Variants in MYBBP1A observed in about 807,000 individuals in gnomAD.
The protein encoded by MYBBP1A is myb-binding protein 1A.
MYBBP1A carries 147 observed loss-of-function variants against 136.3 expected under a neutral mutation model. The observed-to-expected ratio is 1.08, with a 90% confidence interval of 0.94 to 1.24. The LOEUF (loss-of-function observed/expected upper bound fraction) is 1.24, where lower values mean the gene tolerates loss of function less well. Among genes scored for constraint, MYBBP1A ranks in the 50% most tolerant of loss-of-function variants. The probability of loss-of-function intolerance (pLI) is 0.00; values close to 1 mark genes in which losing one functional copy is unlikely to be tolerated. For synonymous variants in MYBBP1A, 947 were observed against 735.8 expected, an observed-to-expected ratio of 1.29 and a Z score of -4.65; for missense variants, 2,060 against 1,727.4, an observed-to-expected ratio of 1.19 and a Z score of -3.41.
At chr17:4,542,119 C>A (rs1423940724) in intron 22 of MYBBP1A, 2 of 589,178 alleles carry the variant, frequency 3.4e-6, no homozygotes, top group South Asian at 4.2e-5. Context: ...ACAATTCCTG[C>A]CCATTATTGG....
In MYBBP1A at chr17:4,548,538, G is replaced by C; in HGVS notation, c.1542C>G (p.Ser514Arg). Reference sequence around the variant, plus strand: ...CCAAGACTCACCTGAAGAAGGCACTGCTGACAGCCTCTCGGGCCTGGTTTT... The same window carrying C: ...CCAAGACTCACCTGAAGAAGGCACTCCTGACAGCCTCTCGGGCCTGGTTTT... ...PLENQAREAVSSAFFSLLQTL... is the reference protein window; with the variant it reads ...PLENQAREAVRSAFFSLLQTL... The change falls in exon 11 of 26, where the codon AGC becomes AGG. Residue 514 changes from serine (S) to arginine (R), a missense_variant. Physicochemically the swap from Ser to Arg is moderately radical, Grantham distance 110. Transcript: ENST00000254718. This position sits in a 1 kb window ranked among gnomAD's most constrained non-coding sequence, Gnocchi z 4.2. 1 of 1,614,166 alleles carries C rather than the reference G, an allele frequency of 6.2e-7. No homozygotes were observed. Among genetic ancestry groups the C allele is most frequent in the East Asian group, 2.2e-5 (1 of 44,884 alleles).
Position 4,544,835 on chromosome 17 carries a change from C to T in MYBBP1A, c.2397G>A (p.Glu799=), listed in dbSNP as rs1484058282. The change falls in exon 18 of 26, where the codon GAG becomes GAA. Residue 799 remains glutamate, a synonymous_variant. Transcript: ENST00000254718. ...LDQSLASLFA[E]QKLRIQARRD... Reference sequence around the variant, plus strand: ...GCCGGGCCTGGATACGCAGCTTCTGCTCGGCAAAGAGGCTGGCGAGGCTCT... The same window carrying T: ...GCCGGGCCTGGATACGCAGCTTCTGTTCGGCAAAGAGGCTGGCGAGGCTCT... 1 of 1,607,914 alleles carries T rather than the reference C, an allele frequency of 6.2e-7. No individual in the cohort carries two copies. The highest frequency in any genetic ancestry group is 1.7e-4 in the Middle Eastern group (1 of 6,050).
chr17:4,552,775 G>C lies in MYBBP1A; in HGVS notation c.562-149C>G, dbSNP rs1045447596. ...AACAAAACTCAAATTCCCAGGCAGCGGGGTTTTTGACAAGCATCCCACTGA... is the reference window on the plus strand; with the variant it reads ...AACAAAACTCAAATTCCCAGGCAGCCGGGTTTTTGACAAGCATCCCACTGA... On this transcript the variant is annotated intron_variant, in intron 5 of 25. Coordinates refer to ENST00000254718, the MANE Select transcript of MYBBP1A (RefSeq NM_014520.4). This position sits in a 1 kb window ranked among gnomAD's most constrained non-coding sequence, Gnocchi z 4.7. 4.1e-6 allele frequency: 3 copies of C among 736,918 alleles called. No homozygotes were observed. Among genetic ancestry groups the C allele is most frequent in the Admixed American group, 2.9e-5 (1 of 33,912 alleles). The allele number at this position is 736,918 out of a possible 1,614,324, so 45.6% of individuals were successfully genotyped here.
At chr17:4,547,355 G>T (rs1907098979) in intron 13 of MYBBP1A, among the ~76,000 whole-genome samples, 1 of 152,206 alleles carries the variant, frequency 6.6e-6, no homozygotes, top group Admixed American at 6.5e-5. Flanking sequence ...CTGACGTCAA[G>T]AATTGGAAGG....
chr17:4,551,674 G>A (rs770437982), intron 8 of MYBBP1A, among the ~76,000 whole-genome samples: 14 of 151,954 alleles, frequency 9.2e-5, no homozygotes, highest in Non-Finnish European at 1.3e-4. Flanking sequence ...TCACCACTGC[G>A]CTCCAGCCTG....
chr17:4,539,840 C>T lies in MYBBP1A; in HGVS notation c.3562G>A (p.Asp1188Asn). 1 of 1,609,674 alleles carries T rather than the reference C, an allele frequency of 6.2e-7. No homozygotes were observed. Among genetic ancestry groups the T allele is most frequent in the South Asian group, 1.1e-5 (1 of 91,072 alleles). The change falls in exon 26 of 26, where the codon GAT becomes AAT. Residue 1188 changes from aspartate to asparagine, a missense_variant. Physicochemically the swap from Asp to Asn is conservative, Grantham distance 23 (BLOSUM62 1). Transcript: ENST00000254718. ...TKKRKKRKSE[D>N]GTPAEDGTPA... ...GTGCCATCCTCCGCTGGCGTGCCAT[C>T]CTCTGACTTGCGTTTCTTGCGCTTC...
At position 4,544,488 on chromosome 17, in the gene MYBBP1A, C is replaced by A; in HGVS notation, c.2639+1G>T. The A allele has an allele frequency of 6.5e-7, 1 of 1,548,682 alleles. No homozygotes were observed. The highest frequency in any genetic ancestry group is 1.2e-5 in the South Asian group (1 of 84,094). On this transcript the variant is annotated splice_donor_variant, in intron 19 of 25. Coordinates refer to ENST00000254718, the MANE Select transcript of MYBBP1A (RefSeq NM_014520.4). LOFTEE classifies it high-confidence loss of function. ...TGCCCGCCCTGCACCCCCGTGCTCACGTGAAGATGCGCGCCGTCTTGTGCA... is the reference window on the plus strand; with the variant it reads ...TGCCCGCCCTGCACCCCCGTGCTCAAGTGAAGATGCGCGCCGTCTTGTGCA...
At chr17:4,543,896 C>T (rs998892654) in intron 19 of MYBBP1A, among the ~76,000 whole-genome samples, 11 of 151,840 alleles carry the variant, frequency 7.2e-5, no homozygotes, top group Admixed American at 3.9e-4. Flanking sequence ...CTTCCCCACG[C>T]CACTGCTCTT....
In MYBBP1A at chr17:4,552,341, C is replaced by T; in HGVS notation, c.738-49G>A. 1 of 1,610,140 alleles carries T rather than the reference C, an allele frequency of 6.2e-7. No homozygotes were observed. The highest frequency in any genetic ancestry group is 8.5e-7 in the Non-Finnish European group (1 of 1,178,410). On this transcript the variant is annotated intron_variant, in intron 6 of 25. Transcript: ENST00000254718. This position sits in a 1 kb window ranked among gnomAD's most constrained non-coding sequence, Gnocchi z 4.7. The stretch of plus-strand genomic sequence containing the variant: ...GAACACTTGCCTCACAGGCAAGGGC[C>T]AGGGTGACAAGAGCAGCCGGGACAC...
chr17:4,543,874 C>T (rs1410327735), intron 19 of MYBBP1A, among the ~76,000 whole-genome samples: 1 of 149,436 alleles, frequency 6.7e-6, no homozygotes, highest in African/African-American at 2.5e-5. Context: ...AAAGGCAAAC[C>T]AGACTCAGAC....
chr17:4,544,796 G>C lies in MYBBP1A; in HGVS notation c.2436C>G (p.Asn812Lys), dbSNP rs1906817902. 3 of 1,599,478 alleles carry C rather than the reference G, an allele frequency of 1.9e-6. No individual in the cohort carries two copies. The South Asian group carries it at 3.4e-5, about 18-fold the overall frequency. The change falls in exon 18 of 26, where the codon AAC becomes AAG. Residue 812 changes from asparagine (N) to lysine (K), a missense_variant. Physicochemically the swap from Asn to Lys is moderately conservative, Grantham distance 94. Coordinates refer to ENST00000254718, the MANE Select transcript of MYBBP1A (RefSeq NM_014520.4). ...LRIQARRDEK[N>K]KLQKEKALRR... ...GCAGAGCCTTCTCCTTCTGCAGCTT[G>C]TTCTTCTCGTCTCGCCGGGCCTGGA...
At chr17:4,546,809 C>T (rs924679708) in intron 13 of MYBBP1A, among the ~76,000 whole-genome samples, 2 of 152,116 alleles carry the variant, frequency 1.3e-5, no homozygotes, top group Non-Finnish European at 2.9e-5. Context: ...GCAGCTTGAA[C>T]GTTTAGGCCA....
In MYBBP1A at chr17:4,542,646, G is replaced by A; in HGVS notation, c.2988C>T (p.Pro996=). 6.2e-7 allele frequency: 1 copy of A among 1,614,022 alleles called. No homozygotes were observed. The highest frequency in any genetic ancestry group is 8.5e-7 in the Non-Finnish European group (1 of 1,179,932). Residue 996 remains proline, a synonymous_variant, in exon 21 of 26, where the codon CCC becomes CCT. Coordinates refer to ENST00000254718, the MANE Select transcript of MYBBP1A (RefSeq NM_014520.4). The part of the protein sequence containing the change: ...LTKRNSPLTV[P]MFLSLFSRHP... ...GCCGGGAGAAGAGGCTGAGGAACAT[G>A]GGAACTGTGAGGGGGCTGTTGCGCT...
At chr17:4,555,043 T>C in intron 1 of MYBBP1A, 84 bp downstream of exon 1, 1 of 1,586,244 alleles carries the variant, frequency 6.3e-7, no homozygotes, top group Non-Finnish European at 8.6e-7. Context: ...CGCGACCACG[T>C]GCCCCCAGTC....
chr17:4,552,804 T>C lies in MYBBP1A; in HGVS notation c.562-178A>G, dbSNP rs1907648742. ...TTTTTGACAAGCATCCCACTGACGC[T>C]AACTGGCCCCTGGAGGTACCTGCCC... On this transcript the variant is annotated intron_variant, in intron 5 of 25. Transcript: ENST00000254718. This position sits in a 1 kb window ranked among gnomAD's most constrained non-coding sequence, Gnocchi z 4.7. Among the ~76,000 whole-genome samples the C allele has an allele frequency of 6.7e-6, 1 of 149,910 alleles. No individual in the cohort carries two copies. The highest frequency in any genetic ancestry group is 1.5e-5 in the Non-Finnish European group (1 of 67,690).
intron 9 of MYBBP1A, among the ~76,000 whole-genome samples, 191 bp from the exon 10 acceptor site, chr17:4,549,633 T>C (rs1907327419): frequency 6.6e-6 from 1 of 151,572 alleles, no homozygotes; most frequent in Non-Finnish European, 1.5e-5. Context: ...AAAAATTAGC[T>C]GGGTGTGGTG....
At position 4,544,598 on chromosome 17, in the gene MYBBP1A, G is replaced by A; in HGVS notation, c.2530C>T (p.Leu844=). ...AGCGGCTCCAGCAGCTCCAGGACCAGGGCATTCTCGGGCTGCTTGGTCACT... is the reference window on the plus strand; with the variant it reads ...AGCGGCTCCAGCAGCTCCAGGACCAAGGCATTCTCGGGCTGCTTGGTCACT... ...VLVTKQPENA[L]VLELLEPLLS... is the part of the protein sequence containing the mutation. Residue 844 remains leucine, a synonymous_variant, in exon 19 of 26, where the codon CTG becomes TTG. Transcript: ENST00000254718. The A allele has an allele frequency of 1.3e-6, 2 of 1,583,174 alleles. No homozygotes were observed. The highest frequency in any genetic ancestry group is 1.8e-5 in the Admixed American group (1 of 56,492).
chr17:4,545,385 C>G, intron 15 of MYBBP1A, 40 bp from the exon 16 acceptor site: 1 of 1,607,170 alleles, frequency 6.2e-7, no homozygotes, highest in Non-Finnish European at 8.5e-7. Flanking sequence ...TTGCAGCCCC[C>G]GCCCTCCTCT....
chr17:4,541,534 T>C lies in MYBBP1A; in HGVS notation c.3226A>G (p.Lys1076Glu), dbSNP rs201967817. 134 of 1,613,306 alleles carry C rather than the reference T, an allele frequency of 8.3e-5. No individual in the cohort carries two copies. Among genetic ancestry groups the C allele is most frequent in the Non-Finnish European group, 9.7e-5 (115 of 1,180,038 alleles). The change falls in exon 24 of 26, where the codon AAG (lysine) becomes GAG (glutamate). Residue 1076 changes from lysine (K) to glutamate (E), a missense_variant. Lys to Glu is a moderately conservative substitution (Grantham distance 56). Transcript: ENST00000254718. Reference protein sequence around the residue: ...NLRVLGEAQTKAQHQQALSSL... With the variant: ...NLRVLGEAQTEAQHQQALSSL... Reference sequence around the variant, plus strand: ...GACAGTGCCTGCTGATGCTGCGCCTTGGTCTGCGCCTCCCCCAGCACGCGC... The same window carrying C: ...GACAGTGCCTGCTGATGCTGCGCCTCGGTCTGCGCCTCCCCCAGCACGCGC...
Sources: gnomAD v4.1 joint callset for allele counts (sites outside exome capture counted in the v4.1 genomes callset) on GRCh38, gnomAD v4.1.1 for gene constraint, Gnocchi (gnomAD v3.1) non-coding constraint, MANE v1.5 for transcripts, NCBI Gene and HGNC (gene_info 2026-07-23, HGNC 2026-07-21) for gene names.